KCNT1: variants seen among roughly 807,000 people sequenced by gnomAD.
KCNT1 encodes potassium channel subfamily T member 1.
A neutral mutation model predicts 147.8 loss-of-function variants in KCNT1; 78 were observed. The observed-to-expected ratio is 0.53, with a 90% CI of 0.44 to 0.64. The LOEUF (loss-of-function observed/expected upper bound fraction) is 0.64, where lower values mean the gene tolerates loss of function less well. KCNT1 is among the 30% of genes least tolerant of loss of function. KCNT1 has a pLI of 0.00. For missense variants in KCNT1, 1,419 were observed against 1,750.3 expected, an observed-to-expected ratio of 0.81 and a Z score of 3.38; for synonymous variants, 867 against 748.8, an observed-to-expected ratio of 1.16 and a Z score of -2.58.
In KCNT1 at chr9:135,792,062, C is replaced by G. The variant is rs767668014; in HGVS notation, c.3609C>G (p.Pro1203=). The G allele has an allele frequency of 2.5e-6, 4 of 1,604,520 alleles. No individual in the cohort carries two copies. In the South Asian group the frequency reaches 3.3e-5, roughly 13 times the overall value. ...GCAGCTATCTCATCCGCTCCGACCC[C>G]CTGGCTCACGTGGCCAGCAGCTCCC... is the stretch of plus-strand genomic sequence containing the variant. The part of the protein sequence containing the change: ...SDIVYLIRSD[P]LAHVASSSQS... The change falls in exon 31 of 31, where the codon CCC becomes CCG. Residue 1203 remains proline, a synonymous_variant. Coordinates refer to ENST00000371757, the MANE Select transcript of KCNT1 (RefSeq NM_020822.3).
chr9:135,728,442 C>A (rs895260619), intron 2 of KCNT1, among the ~76,000 whole-genome samples: 1 of 152,222 alleles, frequency 6.6e-6, no homozygotes, highest in Non-Finnish European at 1.5e-5. Flanking sequence ...GGAAGTGAGA[C>A]CCCCACAGCC....
At chr9:135,781,200 A>G (rs1020679747) in intron 24 of KCNT1, among the ~76,000 whole-genome samples, 9 of 152,222 alleles carry the variant, frequency 5.9e-5, no homozygotes, top group Non-Finnish European at 1.3e-4. Context: ...CAGTTGTGTG[A>G]CAGGGACCAA....
At chr9:135,718,835 G>A (rs1005329666) in intron 2 of KCNT1, among the ~76,000 whole-genome samples, 7 of 152,204 alleles carry the variant, frequency 4.6e-5, no homozygotes, top group African/African-American at 1.4e-4. Context: ...AGCCTCCATC[G>A]CCCGTGGCCT....
intron 28 of KCNT1, 106 bp from the exon 29 acceptor site, chr9:135,786,091 C>T: frequency 9.9e-7 from 1 of 1,006,320 alleles, no homozygotes; most frequent in Non-Finnish European, 1.5e-6. Context: ...CCCACGCAGG[C>T]CCCAAGCTGC....
intron 18 of KCNT1, 185 bp downstream of exon 18, chr9:135,771,280 G>T: frequency 3.2e-6 from 2 of 624,482 alleles, no homozygotes; most frequent in Middle Eastern, 4.2e-4. Flanking sequence ...CAGGCAGGGC[G>T]GGAGACCAGG....
chr9:135,789,435 C>T (rs1037747484), intron 29 of KCNT1: 1 of 152,490 alleles, frequency 6.6e-6, no homozygotes, highest in African/African-American at 2.4e-5. Flanking sequence ...GGGGCCCCTC[C>T]AGCGTGCAGC....
At chr9:135,774,080 G>A (rs1832940536) in intron 19 of KCNT1, among the ~76,000 whole-genome samples, 1 of 151,192 alleles carries the variant, frequency 6.6e-6, no homozygotes, top group African/African-American at 2.4e-5. Flanking sequence ...GTGTCCATAT[G>A]TGTAATGTGT....
At chr9:135,725,102 T>C (rs1261251153) in intron 2 of KCNT1, among the ~76,000 whole-genome samples, 2 of 152,116 alleles carry the variant, frequency 1.3e-5, no homozygotes, top group Non-Finnish European at 2.9e-5. Flanking sequence ...GATCCCTTGG[T>C]GGCTCAATGG....
At chr9:135,759,890 C>A in intron 11 of KCNT1, 31 bp downstream of exon 11, 1 of 1,565,480 alleles carries the variant, frequency 6.4e-7, no homozygotes, top group Non-Finnish European at 8.7e-7. Flanking sequence ...CCCTGGGTGG[C>A]ACCAGCAAAG....
At chr9:135,715,444 T>A (rs1025641251) in intron 2 of KCNT1, among the ~76,000 whole-genome samples, 1 of 152,204 alleles carries the variant, frequency 6.6e-6, no homozygotes, top group Admixed American at 6.5e-5. Context: ...TGAAGGCAAG[T>A]GCTCTGAGGA....
intron 24 of KCNT1, 125 bp downstream of exon 24, chr9:135,779,595 A>G (rs1833458849): frequency 4.2e-6 from 3 of 713,506 alleles, no homozygotes; most frequent in South Asian, 1.7e-5. Context: ...CTGCTGGGGA[A>G]CTCAGGAGAT....
intron 29 of KCNT1, among the ~76,000 whole-genome samples, chr9:135,788,517 A>G (rs1834245725): frequency 6.6e-6 from 1 of 152,208 alleles, no homozygotes; most frequent in African/African-American, 2.4e-5. Context: ...ACCCTGGCCT[A>G]CAGCCAGCCC....
At position 135,778,796 on chromosome 9, in the gene KCNT1, C is replaced by A; in HGVS notation, c.2703C>A (p.Thr901=). 6.2e-7 allele frequency: 1 copy of A among 1,613,884 alleles called. No individual in the cohort carries two copies. Among genetic ancestry groups the A allele is most frequent in the Non-Finnish European group, 8.5e-7 (1 of 1,179,906 alleles). ...AEEDYMADAK[T]IVNVQTMFRL... The stretch of plus-strand genomic sequence containing the variant: ...AGGACTACATGGCGGACGCCAAGAC[C>A]ATCGTCAACGTGCAGACCATGTTCC... Residue 901 remains threonine, a synonymous_variant, in exon 23 of 31, where the codon ACC becomes ACA. Transcript: ENST00000371757.
At chr9:135,751,225 G>A (rs997569945) in intron 4 of KCNT1, among the ~76,000 whole-genome samples, 184 bp downstream of exon 4, 3 of 152,092 alleles carry the variant, frequency 2.0e-5, no homozygotes, top group Admixed American at 6.5e-5. Context: ...CCAGGCTCCC[G>A]CAGACGGCTC....
Position 135,795,116 on chromosome 9 carries a change from A to T in KCNT1, c.*2955A>T, listed in dbSNP as rs1415353341. The T allele has an allele frequency of 6.6e-6, 1 of 151,868 alleles. No individual in the cohort carries two copies. Among genetic ancestry groups the T allele is most frequent in the Non-Finnish European group, 1.5e-5 (1 of 67,968 alleles). 9.4% of individuals were successfully genotyped at this position (151,868 alleles called of 1,614,324 possible). ...TTATTCCTGTTTTTTGTTTGTTTTTATTTTCCTTATACCTAATTCATCTAA... is the reference window on the plus strand; with the variant it reads ...TTATTCCTGTTTTTTGTTTGTTTTTTTTTTCCTTATACCTAATTCATCTAA... On this transcript the variant is annotated 3_prime_UTR_variant, in exon 31 of 31. Transcript: ENST00000371757.
chr9:135,778,927 A>AC (rs1833382802), intron 23 of KCNT1, 105 bp downstream of exon 23: 1 of 1,267,746 alleles, frequency 7.9e-7, no homozygotes, highest in African/African-American at 2.1e-5. Context: ...TCGCCCTGAG[A>AC]CCCCCACAGC....
intron 2 of KCNT1, among the ~76,000 whole-genome samples, chr9:135,738,253 C>A (rs1271088388): frequency 1.3e-5 from 2 of 152,220 alleles, no homozygotes; most frequent in Non-Finnish European, 2.9e-5. Context: ...TGGCCTCGCT[C>A]ATCCCCCGGC....
chr9:135,763,792 T>C (rs1428653106), intron 11 of KCNT1, among the ~76,000 whole-genome samples: 1 of 152,158 alleles, frequency 6.6e-6, no homozygotes, highest in African/African-American at 2.4e-5. Flanking sequence ...GATAGGACTT[T>C]TAGGGTCACT....
At chr9:135,740,833 C>T (rs1447486309) in intron 2 of KCNT1, among the ~76,000 whole-genome samples, 1 of 152,218 alleles carries the variant, frequency 6.6e-6, no homozygotes, top group Admixed American at 6.5e-5. Context: ...GACAGGCGAG[C>T]ATCAGGGTCC....
Sources: allele counts gnomAD v4.1 joint callset (sites outside exome capture counted in the v4.1 genomes callset), GRCh38; gene constraint gnomAD v4.1.1; transcripts MANE v1.5; gene names NCBI Gene and HGNC (gene_info 2026-07-23, HGNC 2026-07-21).